ZBTB20: variants seen among roughly 807,000 people sequenced by gnomAD.
ZBTB20 encodes the protein zinc finger and BTB domain containing 20, also known as zinc finger and BTB domain-containing protein 20.
In ZBTB20, 9 loss-of-function variants were observed where a neutral mutation model predicts 56.9. The observed-to-expected ratio is 0.16, with a 90% confidence interval of 0.10 to 0.28. The LOEUF (loss-of-function observed/expected upper bound fraction) is 0.28, where lower values mean the gene tolerates loss of function less well. ZBTB20 is among the 10% of genes least tolerant of loss of function. The pLI, the probability that ZBTB20 is intolerant of heterozygous loss-of-function variation, is 1.00. For synonymous variants in ZBTB20, 417 were observed against 420.7 expected, an observed-to-expected ratio of 0.99 and a Z score of 0.11; for missense variants, 655 against 1,003.0, an observed-to-expected ratio of 0.65 and a Z score of 4.69.
intron 6 of ZBTB20, among the ~76,000 whole-genome samples, chr3:114,516,407 T>A (rs2045996765): frequency 6.6e-6 from 1 of 152,214 alleles, no homozygotes; most frequent in Non-Finnish European, 1.5e-5. Flanking sequence ...TAAATGCTAT[T>A]TAATATTACC....
At chr3:114,614,333 T>A (rs2057770107) in intron 6 of ZBTB20, among the ~76,000 whole-genome samples, 1 of 152,212 alleles carries the variant, frequency 6.6e-6, no homozygotes, top group Admixed American at 6.5e-5. Flanking sequence ...CAGATTTTAA[T>A]TTTTAATTGT....
intron 4 of ZBTB20, among the ~76,000 whole-genome samples, chr3:114,896,814 A>G (rs1292180737): frequency 6.6e-6 from 1 of 152,136 alleles, no homozygotes; most frequent in Non-Finnish European, 1.5e-5. Flanking sequence ...AAAATAATAA[A>G]AATATCACAT....
chr3:114,594,548 GC>G (rs2056138098), intron 6 of ZBTB20, among the ~76,000 whole-genome samples: 1 of 151,996 alleles, frequency 6.6e-6, no homozygotes, highest in African/African-American at 2.4e-5. Flanking sequence ...AATATATTCT[GC>G]AGGCTAATTC....
chr3:114,416,858 T>C (rs2088614192), intron 7 of ZBTB20, among the ~76,000 whole-genome samples: 1 of 152,102 alleles, frequency 6.6e-6, no homozygotes, highest in South Asian at 2.1e-4. Flanking sequence ...GTCATTTATT[T>C]ACTATTTTCA....
intron 5 of ZBTB20, among the ~76,000 whole-genome samples, chr3:114,748,623 C>T (rs1326241950): frequency 6.6e-6 from 1 of 152,068 alleles, no homozygotes; most frequent in Non-Finnish European, 1.5e-5. Flanking sequence ...AATGGTCCAA[C>T]TGCATAAAGG....
intron 6 of ZBTB20, among the ~76,000 whole-genome samples, chr3:114,612,928 G>A (rs1423184061): frequency 6.6e-6 from 1 of 152,044 alleles, no homozygotes; most frequent in Non-Finnish European, 1.5e-5. Flanking sequence ...TGATATATGT[G>A]TATTTTCTTA....
rs2078014744 is a variant in ZBTB20, at chr3:114,974,417, C to G, written c.-506-1G>C. Reference sequence around the variant, plus strand: ...ATTCTTAACACTTCTTTTTATTTGTCTGTAAAAAAAGGAATACTTAAAATT... The same window carrying G: ...ATTCTTAACACTTCTTTTTATTTGTGTGTAAAAAAAGGAATACTTAAAATT... On this transcript the variant is annotated splice_acceptor_variant, in intron 2 of 11. Coordinates refer to ENST00000675478, the MANE Select transcript of ZBTB20 (RefSeq NM_001348800.3). LOFTEE classifies it low-confidence loss of function (5UTR_SPLICE). 1 of 151,970 alleles carries G rather than the reference C, an allele frequency of 6.6e-6. No homozygotes were observed. The highest frequency in any genetic ancestry group is 6.6e-5 in the Admixed American group (1 of 15,244). 9.4% of individuals were successfully genotyped at this position (151,970 alleles called of 1,614,324 possible).
rs1313565838 is a variant in ZBTB20 at position 114,323,862 on chromosome 3, T to C, written c.*15143A>G. The C allele has an allele frequency of 1.3e-5, 2 of 152,108 alleles. No homozygotes were observed. The highest frequency in any genetic ancestry group is 2.4e-5 in the African/African-American group (1 of 41,420). 9.4% of individuals were successfully genotyped at this position (152,108 alleles called of 1,614,324 possible). A position where few individuals can be genotyped will look rare whatever the true frequency, so the allele number is the denominator to read the frequency against. Reference sequence around the variant, plus strand: ...CATTTTAGTGATGCTCCTACTTCCATAATTTGCCTTTTTCTTTCCCATACG... The same window carrying C: ...CATTTTAGTGATGCTCCTACTTCCACAATTTGCCTTTTTCTTTCCCATACG... On this transcript the variant is annotated 3_prime_UTR_variant, in exon 12 of 12. Coordinates refer to ENST00000675478, the MANE Select transcript of ZBTB20 (RefSeq NM_001348800.3).
chr3:114,557,661 A>C (rs2051423752), intron 6 of ZBTB20, among the ~76,000 whole-genome samples: 1 of 151,902 alleles, frequency 6.6e-6, no homozygotes, highest in African/African-American at 2.4e-5. Flanking sequence ...GCTATAACCT[A>C]TAGTCTTATA....
chr3:114,582,983 T>C (rs2054810077), intron 6 of ZBTB20, among the ~76,000 whole-genome samples: 1 of 152,222 alleles, frequency 6.6e-6, no homozygotes, highest in Non-Finnish European at 1.5e-5. Context: ...ACAAAGATCA[T>C]CCATTTAGGT....
rs564035681 is a variant in ZBTB20, at chr3:114,546,833, G to A, written c.-294-46442C>T. ...CACAGTGTACAAAGACTTAAGCAGA[G>A]CAAATAGGGTTAAAAAAAGAATTTG... On this transcript the variant is annotated intron_variant, in intron 6 of 11. Coordinates refer to ENST00000675478, the MANE Select transcript of ZBTB20 (RefSeq NM_001348800.3). Among the ~76,000 whole-genome samples, 29 of 152,208 alleles carry A rather than the reference G, an allele frequency of 1.9e-4. No homozygotes were observed. In the South Asian group the frequency reaches 5.2e-3, roughly 27 times the overall value.
At chr3:114,377,735 C>A (rs547639920) in intron 10 of ZBTB20, among the ~76,000 whole-genome samples, 1 of 152,058 alleles carries the variant, frequency 6.6e-6, no homozygotes, top group Non-Finnish European at 1.5e-5. Flanking sequence ...CCATAAACAC[C>A]CCTCGGTACC....
At chr3:114,734,229 G>T (rs9819122) in intron 5 of ZBTB20, among the ~76,000 whole-genome samples, 14,807 of 151,384 alleles carry the variant, frequency 0.098, 1,046 homozygotes, top group East Asian at 0.35. Context: ...ATATCAATTT[G>T]CAATTGTGAT....
At chr3:114,722,461 C>T (rs1283280366) in intron 5 of ZBTB20, among the ~76,000 whole-genome samples, 1 of 151,970 alleles carries the variant, frequency 6.6e-6, no homozygotes, top group Non-Finnish European at 1.5e-5. Context: ...ATTCCAGTTA[C>T]AAAAGGAAAA....
chr3:114,609,828 C>A (rs1195455766), intron 6 of ZBTB20, among the ~76,000 whole-genome samples: 1 of 152,122 alleles, frequency 6.6e-6, no homozygotes, highest in African/African-American at 2.4e-5. Flanking sequence ...TTGAAGATAG[C>A]AGAGGTATGT....
At chr3:114,365,221 A>G (rs2082275767) in intron 10 of ZBTB20, among the ~76,000 whole-genome samples, 1 of 152,178 alleles carries the variant, frequency 6.6e-6, no homozygotes, top group Admixed American at 6.5e-5. Flanking sequence ...AGTGGCTTCA[A>G]AGTTAGCCTT....
At chr3:114,408,230 G>T (rs1326258008) in intron 7 of ZBTB20, among the ~76,000 whole-genome samples, 1 of 152,170 alleles carries the variant, frequency 6.6e-6, no homozygotes, top group Non-Finnish European at 1.5e-5. Flanking sequence ...TACTGAGTTT[G>T]CTTGTTATGG....
intron 6 of ZBTB20, among the ~76,000 whole-genome samples, chr3:114,552,688 T>G (rs964215522): frequency 1.3e-5 from 2 of 152,150 alleles, no homozygotes; most frequent in Non-Finnish European, 2.9e-5. Flanking sequence ...ATGTGGCCAC[T>G]GGCTGCTATA....
chr3:114,504,622 A>C (rs2044387564), intron 6 of ZBTB20, among the ~76,000 whole-genome samples: 1 of 152,170 alleles, frequency 6.6e-6, no homozygotes. Flanking sequence ...TGAAAGGAAA[A>C]TCTGTGTATA....
Sources: allele counts gnomAD v4.1 joint callset (sites outside exome capture counted in the v4.1 genomes callset), GRCh38; gene constraint gnomAD v4.1.1; transcripts MANE v1.5; gene names NCBI Gene and HGNC (gene_info 2026-07-23, HGNC 2026-07-21).